ZNF91: variants seen among roughly 807,000 people sequenced by gnomAD.
The protein encoded by ZNF91 is zinc finger protein 91 (HPF7, HTF10).
In ZNF91, 7 loss-of-function variants were observed where a neutral mutation model predicts 12.6. The ratio of observed to expected loss-of-function variants is 0.55; its 90% CI spans 0.31 to 1.04. ZNF91 has a LOEUF of 1.04. Ranked by LOEUF, ZNF91 falls within the 50% of genes least tolerant of loss-of-function variation. ZNF91 has a pLI of 0.05. For missense variants in ZNF91, 1,217 were observed against 1,385.4 expected (o/e 0.88, Z 1.93); for synonymous variants, 453 against 462.6 (o/e 0.98, Z 0.27).
At position 23,357,930 on chromosome 19, in the gene ZNF91, T is replaced by C. The variant is rs1027450522; in HGVS notation, c.*1473A>G. On this transcript the variant is annotated 3_prime_UTR_variant, in exon 4 of 4. Coordinates refer to ENST00000300619, the MANE Select transcript of ZNF91 (RefSeq NM_003430.4). Reference sequence around the variant, plus strand: ...CATATGGCATAATATGTACACATATTAGGTATCCACAAAAATTAAGTCAAA... The same window carrying C: ...CATATGGCATAATATGTACACATATCAGGTATCCACAAAAATTAAGTCAAA... 2.0e-5 allele frequency: 3 copies of C among 152,138 alleles called. No individual in the cohort carries two copies. The highest frequency in any genetic ancestry group is 2.9e-5 in the Non-Finnish European group (2 of 67,994). 9.4% of individuals were successfully genotyped at this position (152,138 alleles called of 1,614,324 possible).
At chr19:23,372,161 A>G (rs1454173731) in intron 3 of ZNF91, among the ~76,000 whole-genome samples, 1 of 152,122 alleles carries the variant, frequency 6.6e-6, no homozygotes. Context: ...ATCCAAAACT[A>G]CAGACAAATT....
In ZNF91 at chr19:23,383,946, C is replaced by A. The variant is rs1258562755; in HGVS notation, c.31-9182G>T. Among the ~76,000 whole-genome samples the A allele has an allele frequency of 2.6e-5, 4 of 152,160 alleles. No individual in the cohort carries two copies. In the East Asian group the frequency reaches 7.8e-4, roughly 30 times the overall value. On this transcript the variant is annotated intron_variant, in intron 1 of 3. Transcript: ENST00000300619. The stretch of plus-strand genomic sequence containing the variant: ...CCAACATGGTGAAACCCTGTCTCTA[C>A]TAAAAATACAAAAATTAGCCAAGCG...
rs1968798484 is a variant in ZNF91 at position 23,361,946 on chromosome 19, T to C, written c.1033A>G (p.Thr345Ala). 6 of 1,613,426 alleles carry C rather than the reference T, an allele frequency of 3.7e-6. No individual in the cohort carries two copies. Among genetic ancestry groups the C allele is most frequent in the Non-Finnish European group, 5.1e-6 (6 of 1,179,708 alleles). ...STLAKHKRIH[T>A]GEKPYKCKEC... is the part of the protein sequence containing the mutation. ...TTACATTTGTAGGGTTTCTCTCCAG[T>C]ATGAATTCTCTTATGTTTAGCAAGG... is the stretch of plus-strand genomic sequence containing the variant. Residue 345 changes from threonine (T) to alanine (A), a missense_variant, in exon 4 of 4, where the codon ACT becomes GCT. By Grantham distance (58) the Thr-to-Ala change is moderately conservative. Around this residue, in one of 2 missense-constraint regions of ZNF91, gnomAD observed 726 missense variants for 895.5 expected, o/e 0.81. Coordinates refer to ENST00000300619, the MANE Select transcript of ZNF91 (RefSeq NM_003430.4).
intron 1 of ZNF91, among the ~76,000 whole-genome samples, chr19:23,330,746 C>T (rs1161725953): frequency 6.6e-6 from 1 of 152,104 alleles, no homozygotes; most frequent in East Asian, 1.9e-4. Flanking sequence ...ATTGAAATAG[C>T]TTGGTGAAGG....
chr19:23,354,245 A>T (rs1006599125), downstream of ZNF91, among the ~76,000 whole-genome samples: 2 of 152,140 alleles, frequency 1.3e-5, no homozygotes, highest in African/African-American at 4.8e-5. Flanking sequence ...ATATCCAACA[A>T]CATGTCGAAA....
intron 3 of ZNF91, among the ~76,000 whole-genome samples, chr19:23,348,446 A>T (rs1968284259): frequency 6.6e-6 from 1 of 152,208 alleles, no homozygotes; most frequent in African/African-American, 2.4e-5. Flanking sequence ...TGAAGATTTC[A>T]TGGACATTTA....
intron 3 of ZNF91, among the ~76,000 whole-genome samples, chr19:23,341,561 T>G (rs1968124712): frequency 6.6e-6 from 1 of 151,960 alleles, no homozygotes; most frequent in Admixed American, 6.6e-5. Flanking sequence ...AACTAAAAAA[T>G]GGTTGAAAGA....
At position 23,360,507 on chromosome 19, in the gene ZNF91, T is replaced by A; in HGVS notation, c.2472A>T (p.Lys824Asn). The A allele has an allele frequency of 1.2e-6, 2 of 1,613,738 alleles. No individual in the cohort carries two copies. Among genetic ancestry groups the A allele is most frequent in the Non-Finnish European group, 1.7e-6 (2 of 1,179,934 alleles). ...TGCCACATTCTTTACATTTGTAGGGTTTCTCTCCAGTATGAATTGTCTTAT... is the reference window on the plus strand; with the variant it reads ...TGCCACATTCTTTACATTTGTAGGGATTCTCTCCAGTATGAATTGTCTTAT... The part of the protein sequence containing the change: ...TKHKTIHTGE[K>N]PYKCKECGKA... The change falls in exon 4 of 4, where the codon AAA becomes AAT. Residue 824 changes from lysine (K) to asparagine (N), a missense_variant. Transcript: ENST00000300619.
Position 23,321,792 on chromosome 19 carries a change from A to G in ZNF91, n.117-12695T>C, listed in dbSNP as rs566369664. On this transcript the variant is annotated intron_variant and non_coding_transcript_variant, in intron 1 of 1. Transcript: ENST00000596528. ...TTGCTTATAGAAGAGATTGTTACAT[A>G]TCTCTGTTCCCAGCATCTAAGTGAT... Among the ~76,000 whole-genome samples, 17 of 152,196 alleles carry G rather than the reference A, an allele frequency of 1.1e-4. No individual in the cohort carries two copies. In the East Asian group the frequency reaches 3.3e-3, roughly 30 times the overall value.
chr19:23,374,559 CAAAAAAAAA>C, intron 2 of ZNF91, 70 bp downstream of exon 2: 2 of 888,118 alleles, frequency 2.3e-6, no homozygotes, highest in Non-Finnish European at 1.5e-6. Flanking sequence ...GACTCTGTCT[CAAAAAAAAA>C]AAAAAAAAAA....
chr19:23,394,489 C>T (rs764472661), intron 1 of ZNF91, among the ~76,000 whole-genome samples: 2 of 151,962 alleles, frequency 1.3e-5, no homozygotes, highest in Admixed American at 1.3e-4. Flanking sequence ...CCAGCACTTT[C>T]GGAGGCCAAG....
chr19:23,337,681 A>G (rs576448638), downstream of ZNF91: 13 of 152,186 alleles, frequency 8.5e-5, no homozygotes, highest in Middle Eastern at 3.4e-3. Context: ...AATACTTTAA[A>G]AAGACTTCAA....
At chr19:23,311,172 G>C (rs1201097584), upstream of ZNF91, among the ~76,000 whole-genome samples, 1 of 152,054 alleles carries the variant, frequency 6.6e-6, no homozygotes, top group Non-Finnish European at 1.5e-5. Flanking sequence ...TCACTCAGAG[G>C]GTATTGTGAC....
At position 23,361,285 on chromosome 19, in the gene ZNF91, TTA is replaced by T. The variant is rs775139888; in HGVS notation, c.1692_1693del (p.His564GlnfsTer13). On this transcript the variant is annotated frameshift_variant, in exon 4 of 4. Coordinates refer to ENST00000300619, the MANE Select transcript of ZNF91 (RefSeq NM_003430.4). LOFTEE classifies it low-confidence loss of function (END_TRUNC). ...GAGTTTCTTTCCAGCATGAATTATTTTATGTGTAGTAAGGGTTGAGAATTGCT... is the reference window on the plus strand; with the variant it reads ...GAGTTTCTTTCCAGCATGAATTATTTTGTGTAGTAAGGGTTGAGAATTGCT... 2.5e-5 allele frequency: 41 copies of T among 1,613,516 alleles called. No individual in the cohort carries two copies. The highest frequency in any genetic ancestry group is 3.5e-5 in the Non-Finnish European group (41 of 1,179,812).
Position 23,388,688 on chromosome 19 carries a change from A to G in ZNF91, c.30+6637T>C, listed in dbSNP as rs572245661. Among the ~76,000 whole-genome samples the G allele has an allele frequency of 5.0e-4, 76 of 152,292 alleles. No individual in the cohort carries two copies. The South Asian group carries it at 0.012, about 23-fold the overall frequency. ...GGAGTTGGAGACCAGCCTGGCCATT[A>G]TGGTGAAACGCCATCTCTACTAAAA... On this transcript the variant is annotated intron_variant, in intron 1 of 3. Coordinates refer to ENST00000300619, the MANE Select transcript of ZNF91 (RefSeq NM_003430.4).
chr19:23,373,528 T>C (rs1162857215), intron 3 of ZNF91, among the ~76,000 whole-genome samples: 1 of 152,010 alleles, frequency 6.6e-6, no homozygotes, highest in Non-Finnish European at 1.5e-5. Flanking sequence ...TGGCTGTCAC[T>C]GTAAACTTGA....
rs887845858 is a variant in ZNF91 at position 23,358,361 on chromosome 19, A to G, written c.*1042T>C. On this transcript the variant is annotated 3_prime_UTR_variant, in exon 4 of 4. Transcript: ENST00000300619. Reference sequence around the variant, plus strand: ...TCTACCTCATGCATCACTCGATATTATAAGTTAACCATAAAGATCCTCTCT... The same window carrying G: ...TCTACCTCATGCATCACTCGATATTGTAAGTTAACCATAAAGATCCTCTCT... 9 of 152,212 alleles carry G rather than the reference A, an allele frequency of 5.9e-5. No individual in the cohort carries two copies. Among genetic ancestry groups the G allele is most frequent in the Non-Finnish European group, 8.8e-5 (6 of 68,034 alleles). The allele number at this position is 152,212 out of a possible 1,614,324, so 9.4% of individuals were successfully genotyped here.
intron 3 of ZNF91, among the ~76,000 whole-genome samples, chr19:23,373,383 T>TAA (rs956257267): frequency 1.4e-5 from 1 of 69,782 alleles, no homozygotes; most frequent in Non-Finnish European, 3.4e-5. Flanking sequence ...TATATATATA[T>TAA]ATAAATAAAC....
At chr19:23,371,031 C>G (rs1969255424) in intron 3 of ZNF91, among the ~76,000 whole-genome samples, 1 of 151,950 alleles carries the variant, frequency 6.6e-6, no homozygotes, top group Admixed American at 6.6e-5. Context: ...TTACACAAGA[C>G]AAAACCAACA....
Sources: gnomAD v4.1 joint callset for allele counts (sites outside exome capture counted in the v4.1 genomes callset) on GRCh38, gnomAD v4.1.1 for gene constraint, gnomAD v4.1.1 regional missense constraint, MANE v1.5 for transcripts, NCBI Gene and HGNC (gene_info 2026-07-23, HGNC 2026-07-21) for gene names.